The following GRID2 variants were observed in gnomAD, a reference collection of about 807,000 sequenced individuals.
GRID2 encodes the protein glutamate ionotropic receptor delta type subunit 2.
A neutral mutation model predicts 114.8 loss-of-function variants in GRID2; 33 were observed. That is an observed-to-expected ratio of 0.29 (90% CI 0.22 to 0.38). The LOEUF is 0.38. Among genes scored for constraint, GRID2 ranks in the 10% least tolerant of loss-of-function variants. The pLI, the probability that GRID2 is intolerant of heterozygous loss-of-function variation, is 1.00. For missense variants in GRID2, 1,184 were observed against 1,257.7 expected, an observed-to-expected ratio of 0.94 and a Z score of 0.89; for synonymous variants, 505 against 449.9, an observed-to-expected ratio of 1.12 and a Z score of -1.55.
intron 2 of GRID2, among the ~76,000 whole-genome samples, chr4:92,995,103 C>T (rs1307254758): frequency 6.6e-6 from 1 of 152,136 alleles, no homozygotes; most frequent in Non-Finnish European, 1.5e-5. Context: ...GCAGCCAAAG[C>T]ATATCATCTC....
chr4:93,705,466 G>T (rs879296108), intron 14 of GRID2, among the ~76,000 whole-genome samples: 1 of 151,608 alleles, frequency 6.6e-6, no homozygotes, highest in Non-Finnish European at 1.5e-5. Context: ...CTAGCAGCTG[G>T]GATTACAGGC....
At chr4:93,591,539 G>T (rs141768100) in intron 13 of GRID2, among the ~76,000 whole-genome samples, 2 of 152,116 alleles carry the variant, frequency 1.3e-5, no homozygotes, top group East Asian at 3.9e-4. Context: ...TGTCTCTGCC[G>T]GGCTTTGGTA....
chr4:92,535,920 TCTC>T (rs942163354), intron 1 of GRID2, among the ~76,000 whole-genome samples: 1 of 152,056 alleles, frequency 6.6e-6, no homozygotes, highest in African/African-American at 2.4e-5. Flanking sequence ...CTGGACTTGT[TCTC>T]CTCCTGGTGG....
At chr4:93,380,864 T>G (rs753287842) in intron 8 of GRID2, among the ~76,000 whole-genome samples, 2 of 152,052 alleles carry the variant, frequency 1.3e-5, no homozygotes, top group African/African-American at 2.4e-5. Flanking sequence ...CAGGCAGGAT[T>G]CAGTGGGGAT....
At chr4:93,588,714 C>T (rs1027785094) in intron 13 of GRID2, among the ~76,000 whole-genome samples, 2 of 152,198 alleles carry the variant, frequency 1.3e-5, no homozygotes, top group African/African-American at 4.8e-5. Flanking sequence ...AGTCTGAGCC[C>T]TGCCCCTTCT....
chr4:93,667,351 C>T (rs987196966), intron 14 of GRID2, among the ~76,000 whole-genome samples: 5 of 151,250 alleles, frequency 3.3e-5, no homozygotes, highest in Admixed American at 3.3e-4. Flanking sequence ...CCAAGTACAT[C>T]CAGGTATCCA....
In GRID2 at chr4:93,198,549, G is replaced by T. The variant is rs193055430; in HGVS notation, c.736-8855G>T. ...GGTTATATAAAATACGTACAACATG[G>T]CCCTCACAGCCACTTACATAGTTAT... On this transcript the variant is annotated intron_variant, in intron 4 of 15. Coordinates refer to ENST00000282020, the MANE Select transcript of GRID2 (RefSeq NM_001510.4). 1.8e-3 allele frequency among the ~76,000 whole-genome samples: 267 copies of T among 152,178 alleles called. 5 individuals carry two copies. In the South Asian group the frequency reaches 0.032, roughly 18 times the overall value.
At chr4:93,010,707 A>G (rs113273981) in intron 2 of GRID2, among the ~76,000 whole-genome samples, 3 of 152,300 alleles carry the variant, frequency 2.0e-5, no homozygotes, top group African/African-American at 7.2e-5. Flanking sequence ...GAAACTCCAG[A>G]GGATTTTTTT....
At chr4:93,300,823 A>C (rs1354996968) in intron 8 of GRID2, among the ~76,000 whole-genome samples, 1 of 152,210 alleles carries the variant, frequency 6.6e-6, no homozygotes, top group Non-Finnish European at 1.5e-5. Context: ...AAGATTTCAC[A>C]TGAAAGTGTT....
At chr4:92,559,186 T>G (rs1038908672) in intron 1 of GRID2, among the ~76,000 whole-genome samples, 1 of 152,212 alleles carries the variant, frequency 6.6e-6, no homozygotes, top group Non-Finnish European at 1.5e-5. Context: ...TTCATAGTTA[T>G]GTAACATTTA....
At chr4:93,581,007 A>C (rs192563858) in intron 13 of GRID2, among the ~76,000 whole-genome samples, 1 of 152,066 alleles carries the variant, frequency 6.6e-6, no homozygotes, top group Non-Finnish European at 1.5e-5. Context: ...CGGGTTTGTT[A>C]TATAGGTATA....
chr4:93,276,377 T>C (rs962832432), intron 8 of GRID2, among the ~76,000 whole-genome samples: 1 of 152,014 alleles, frequency 6.6e-6, no homozygotes. Context: ...GAAATCATAA[T>C]GTGTGAGTCC....
At position 92,680,231 on chromosome 4, in the gene GRID2, T is replaced by C. The variant is rs142857210; in HGVS notation, c.244+89945T>C. ...CCATGGTGGATGCGATATGAAAGAA[T>C]AGACACAAGACAAATTCGAATCCAA... On this transcript the variant is annotated intron_variant, in intron 2 of 15. Coordinates refer to ENST00000282020, the MANE Select transcript of GRID2 (RefSeq NM_001510.4). Among the ~76,000 whole-genome samples, 759 of 152,202 alleles carry C rather than the reference T, an allele frequency of 5.0e-3. 5 individuals carry two copies. Among genetic ancestry groups the C allele is most frequent in the African/African-American group, 0.017 (712 of 41,554 alleles).
chr4:92,888,727 T>G (rs1173296818), intron 2 of GRID2, among the ~76,000 whole-genome samples: 2 of 152,086 alleles, frequency 1.3e-5, no homozygotes, highest in East Asian at 3.9e-4. Flanking sequence ...TTTAATCATT[T>G]GCATTTTTTA....
chr4:93,278,723 T>G (rs1752336956), intron 8 of GRID2, among the ~76,000 whole-genome samples: 1 of 151,934 alleles, frequency 6.6e-6, no homozygotes, highest in Admixed American at 6.6e-5. Flanking sequence ...ATAGGAAAAC[T>G]CTTATTATAA....
intron 2 of GRID2, among the ~76,000 whole-genome samples, chr4:93,003,003 CCTCT>C (rs1303611795): frequency 1.3e-5 from 2 of 151,806 alleles, no homozygotes; most frequent in Non-Finnish European, 2.9e-5. Flanking sequence ...TCTCTCTCTG[CCTCT>C]CTCTTATTAG....
At chr4:93,515,778 C>T (rs1729659038) in intron 13 of GRID2, among the ~76,000 whole-genome samples, 2 of 152,114 alleles carry the variant, frequency 1.3e-5, no homozygotes, top group African/African-American at 4.8e-5. Flanking sequence ...GTATTTTCTA[C>T]ACTACACTTG....
At chr4:92,992,839 G>T (rs1754987684) in intron 2 of GRID2, among the ~76,000 whole-genome samples, 1 of 152,002 alleles carries the variant, frequency 6.6e-6, no homozygotes, top group Non-Finnish European at 1.5e-5. Context: ...GTTTCCTGCT[G>T]CTGTCTGCCT....
chr4:93,600,661 C>A (rs923541492), intron 13 of GRID2, among the ~76,000 whole-genome samples: 1 of 152,106 alleles, frequency 6.6e-6, no homozygotes, highest in East Asian at 1.9e-4. Context: ...TTAGCAGTTT[C>A]CTACCAAACT....
Sources: gnomAD v4.1 joint callset for allele counts (sites outside exome capture counted in the v4.1 genomes callset) on GRCh38, gnomAD v4.1.1 for gene constraint, MANE v1.5 for transcripts, NCBI Gene and HGNC (gene_info 2026-07-23, HGNC 2026-07-21) for gene names.